The following ATXN10 variants were observed in gnomAD, a reference collection of about 807,000 sequenced individuals.
ATXN10 encodes ataxin 10.
Under a neutral mutation model 52.9 loss-of-function variants are expected in ATXN10, and 28 were observed. The observed-to-expected ratio is 0.53, with a 90% CI of 0.39 to 0.73. ATXN10 has a LOEUF of 0.73. Among genes scored for constraint, ATXN10 ranks in the 30% least tolerant of loss-of-function variants. The pLI is 0.00. For synonymous variants in ATXN10, 226 were observed against 221.5 expected (o/e 1.02, Z -0.18); for missense variants, 565 against 577.0 (o/e 0.98, Z 0.21).
chr22:45,787,534 A>G lies in ATXN10; in HGVS notation c.1174-19425A>G, dbSNP rs955786208. Among the ~76,000 whole-genome samples, 1 of 152,172 alleles carries G rather than the reference A, an allele frequency of 6.6e-6. No homozygotes were observed. The highest frequency in any genetic ancestry group is 6.5e-5 in the Admixed American group (1 of 15,282). On this transcript the variant is annotated intron_variant, in intron 9 of 11. Transcript: ENST00000252934. The surrounding 1 kb of genome is among the most constrained non-coding windows in gnomAD (Gnocchi z 4.2). ...TTGCTTCTTTTGACCTTCGGTACTC[A>G]GTAGACTTACTGTATGGGAAGGAAT... is the stretch of plus-strand genomic sequence containing the variant.
Position 45,672,153 on chromosome 22 carries a change from G to C in ATXN10, c.90G>C (p.Thr30=), listed in dbSNP as rs775656721. Residue 30 remains threonine (T), a synonymous_variant, in exon 1 of 12, where the codon ACG becomes ACC. Coordinates refer to ENST00000252934, the MANE Select transcript of ATXN10 (RefSeq NM_013236.4). The part of the protein sequence containing the change: ...IQDLEALRAL[T]ALFKEQRNRE... Reference sequence around the variant, plus strand: ...ACCTGGAGGCCCTGCGCGCGCTCACGGCGCTCTTCAAAGAGCAGCGGAACC... The same window carrying C: ...ACCTGGAGGCCCTGCGCGCGCTCACCGCGCTCTTCAAAGAGCAGCGGAACC... The C allele has an allele frequency of 6.5e-7, 1 of 1,539,098 alleles. No homozygotes were observed. The highest frequency in any genetic ancestry group is 8.7e-7 in the Non-Finnish European group (1 of 1,144,998).
At chr22:45,794,219 G>T (rs886633057) in intron 9 of ATXN10, among the ~76,000 whole-genome samples, 1 of 152,126 alleles carries the variant, frequency 6.6e-6, no homozygotes, top group Non-Finnish European at 1.5e-5. Flanking sequence ...TCAGGTGTCT[G>T]AGCCCTGCCT....
intron 9 of ATXN10, among the ~76,000 whole-genome samples, chr22:45,767,469 A>G (rs1353108764): frequency 6.6e-6 from 1 of 151,940 alleles, no homozygotes; most frequent in Non-Finnish European, 1.5e-5. Context: ...CATTTTTTCT[A>G]TATAATTTAA....
At chr22:45,812,704 C>T (rs776139548) in intron 10 of ATXN10, among the ~76,000 whole-genome samples, 2 of 152,100 alleles carry the variant, frequency 1.3e-5, no homozygotes, top group Admixed American at 6.5e-5. Flanking sequence ...GTGCTGGTGT[C>T]GAATATCCAC....
chr22:45,829,112 G>A (rs1928908107), intron 10 of ATXN10, among the ~76,000 whole-genome samples: 1 of 152,134 alleles, frequency 6.6e-6, no homozygotes, highest in African/African-American at 2.4e-5. Context: ...ATAGAATGAA[G>A]GGAAAGAAAC....
intron 10 of ATXN10, among the ~76,000 whole-genome samples, chr22:45,808,792 T>C (rs570499980): frequency 1.3e-5 from 2 of 152,284 alleles, no homozygotes; most frequent in Admixed American, 6.5e-5. Flanking sequence ...CATAAACATA[T>C]TCATGTAGTG....
At chr22:45,742,404 G>A (rs1274386798) in intron 9 of ATXN10, among the ~76,000 whole-genome samples, 2 of 152,072 alleles carry the variant, frequency 1.3e-5, no homozygotes, top group Admixed American at 6.6e-5. Context: ...AAATGTAACC[G>A]TGCTCAAGGA....
At chr22:45,698,639 G>A (rs1335993653) in intron 3 of ATXN10, among the ~76,000 whole-genome samples, 4 of 152,254 alleles carry the variant, frequency 2.6e-5, no homozygotes, top group Middle Eastern at 3.4e-3. Flanking sequence ...TTTCAGTTGT[G>A]TTCCTATTTA....
At chr22:45,741,023 A>T (rs1218268913) in intron 9 of ATXN10, among the ~76,000 whole-genome samples, 1 of 152,110 alleles carries the variant, frequency 6.6e-6, no homozygotes, top group Non-Finnish European at 1.5e-5. Context: ...TGTGCAGAAG[A>T]GCTTAAAGGT....
In ATXN10 at chr22:45,769,522, G is replaced by A; in HGVS notation, c.1173+28984G>A. ...GTTGGGCCTTGAGGAATGGTGGGTAGCAGTTATGTGGCGATGAAGAGACTA... is the reference window on the plus strand; with the variant it reads ...GTTGGGCCTTGAGGAATGGTGGGTAACAGTTATGTGGCGATGAAGAGACTA... On this transcript the variant is annotated intron_variant, in intron 9 of 11. Coordinates refer to ENST00000252934, the MANE Select transcript of ATXN10 (RefSeq NM_013236.4). This position sits in a 1 kb window ranked among gnomAD's most constrained non-coding sequence, Gnocchi z 4.2. 6.6e-6 allele frequency among the ~76,000 whole-genome samples: 1 copy of A among 152,140 alleles called. No homozygotes were observed. Among genetic ancestry groups the A allele is most frequent in the East Asian group, 1.9e-4 (1 of 5,190 alleles).
At position 45,702,850 on chromosome 22, in the gene ATXN10, A is replaced by G; in HGVS notation, c.647+3A>G. 6.2e-7 allele frequency: 1 copy of G among 1,613,678 alleles called. No individual in the cohort carries two copies. The highest frequency in any genetic ancestry group is 8.5e-7 in the Non-Finnish European group (1 of 1,179,932). ...AAACATCCTGAATCAGAATGGCCGT[A>G]AGTATCTTGTTAGAAATTTGATTGC... is the stretch of plus-strand genomic sequence containing the variant. On this transcript the variant is annotated splice_donor_region_variant and intron_variant, in intron 5 of 11. Coordinates refer to ENST00000252934, the MANE Select transcript of ATXN10 (RefSeq NM_013236.4).
In ATXN10 at chr22:45,825,692, A is replaced by G. The variant is rs552263218; in HGVS notation, c.1238-17299A>G. ...AGGGGGAAAAAATGAAACAAACAGA[A>G]ACCATTCTTGGATTCATCTACTATA... On this transcript the variant is annotated intron_variant, in intron 10 of 11. Transcript: ENST00000252934. The surrounding 1 kb of genome is among the most constrained non-coding windows in gnomAD (Gnocchi z 4.5). Among the ~76,000 whole-genome samples, 14 of 152,312 alleles carry G rather than the reference A, an allele frequency of 9.2e-5. No homozygotes were observed. The South Asian group carries it at 1.7e-3, about 18-fold the overall frequency.
In ATXN10 at chr22:45,728,266, A is replaced by G. The variant is rs746741892; in HGVS notation, c.729-1159A>G. 5.9e-5 allele frequency among the ~76,000 whole-genome samples: 9 copies of G among 152,110 alleles called. No individual in the cohort carries two copies. Among genetic ancestry groups the G allele is most frequent in the African/African-American group, 2.2e-4 (9 of 41,446 alleles). On this transcript the variant is annotated intron_variant, in intron 6 of 11. Transcript: ENST00000252934. The surrounding 1 kb of genome is among the most constrained non-coding windows in gnomAD (Gnocchi z 4.3). ...TCAAGCTTTAGAACTTTTAGCCTCA[A>G]TTTATTTTTAAAGATTATATATAAA...
Position 45,721,952 on chromosome 22 carries a change from G to A in ATXN10, c.728+3459G>A, listed in dbSNP as rs531860809. On this transcript the variant is annotated intron_variant, in intron 6 of 11. Transcript: ENST00000252934. ...AACAAAACAAAACAAAACAGGAATC[G>A]TAATTTTAAGGCAGACTATGTAAGT... 9.9e-5 allele frequency among the ~76,000 whole-genome samples: 15 copies of A among 152,180 alleles called. No individual in the cohort carries two copies. In the South Asian group the frequency reaches 1.7e-3, roughly 17 times the overall value.
In ATXN10 at chr22:45,700,366, C is replaced by T. The variant is rs768863649; in HGVS notation, c.476C>T (p.Pro159Leu). The change falls in exon 4 of 12, where the codon CCA becomes CTA. Residue 159 changes from proline (P) to leucine (L), a missense_variant. By Grantham distance (98) the Pro-to-Leu change is moderately conservative. Transcript: ENST00000252934. The part of the protein sequence containing the change: ...SQSIVWVHAF[P>L]ELFLSCLNHP... Reference sequence around the variant, plus strand: ...TCTATTGTTTGGGTGCATGCTTTCCCAGAACTGTTTTTGTGAGTATATTGA... The same window carrying T: ...TCTATTGTTTGGGTGCATGCTTTCCTAGAACTGTTTTTGTGAGTATATTGA... 6.2e-7 allele frequency: 1 copy of T among 1,613,314 alleles called. No homozygotes were observed. Among genetic ancestry groups the T allele is most frequent in the South Asian group, 1.1e-5 (1 of 91,060 alleles).
chr22:45,756,140 A>G (rs1601626741), intron 9 of ATXN10, among the ~76,000 whole-genome samples: 2 of 150,646 alleles, frequency 1.3e-5, no homozygotes, highest in African/African-American at 4.9e-5. Context: ...CTCTTTGTTT[A>G]CCTAGACTTT....
At position 45,712,075 on chromosome 22, in the gene ATXN10, A is replaced by G. The variant is rs1204615407; in HGVS notation, c.648-6338A>G. ...TGGGAATTAGAAACAAAGAGGTAAT[A>G]ACCAGATGGATGTTTTTGAGGCATG... is the stretch of plus-strand genomic sequence containing the variant. On this transcript the variant is annotated intron_variant, in intron 5 of 11. Coordinates refer to ENST00000252934, the MANE Select transcript of ATXN10 (RefSeq NM_013236.4). The surrounding 1 kb of genome is among the most constrained non-coding windows in gnomAD (Gnocchi z 4.6). Among the ~76,000 whole-genome samples the G allele has an allele frequency of 6.6e-6, 1 of 152,226 alleles. No individual in the cohort carries two copies. Among genetic ancestry groups the G allele is most frequent in the African/African-American group, 2.4e-5 (1 of 41,464 alleles).
chr22:45,839,908 G>A (rs541275884), intron 10 of ATXN10, among the ~76,000 whole-genome samples: 2 of 152,338 alleles, frequency 1.3e-5, no homozygotes, highest in Non-Finnish European at 2.9e-5. Flanking sequence ...CTGCAGTGCC[G>A]CCATGGCCCC....
intron 10 of ATXN10, among the ~76,000 whole-genome samples, chr22:45,812,684 C>G (rs573811164): frequency 6.6e-6 from 1 of 152,318 alleles, no homozygotes; most frequent in East Asian, 1.9e-4. Flanking sequence ...CATGCTGAGA[C>G]TAGGAATTAG....
Sources: allele counts gnomAD v4.1 joint callset (sites outside exome capture counted in the v4.1 genomes callset), GRCh38; gene constraint gnomAD v4.1.1; non-coding constraint Gnocchi (gnomAD v3.1); transcripts MANE v1.5; gene names NCBI Gene and HGNC (gene_info 2026-07-23, HGNC 2026-07-21).